CAPZB: variants seen among roughly 807,000 people sequenced by gnomAD.
The protein encoded by CAPZB is capping actin protein of muscle Z-line subunit beta.
A neutral mutation model predicts 38.1 loss-of-function variants in CAPZB; 2 were observed. The ratio of observed to expected loss-of-function variants is 0.05; its 90% CI spans 0.02 to 0.17. CAPZB has a LOEUF of 0.17. Among genes scored for constraint, CAPZB ranks in the 10% least tolerant of loss-of-function variants. The probability of loss-of-function intolerance (pLI) is 1.00; values close to 1 mark genes in which losing one functional copy is unlikely to be tolerated. For synonymous variants in CAPZB, 107 were observed against 127.4 expected (o/e 0.84, Z 1.08); for missense variants, 161 against 334.2 (o/e 0.48, Z 4.04).
intron 1 of CAPZB, among the ~76,000 whole-genome samples, chr1:19,459,552 A>C (rs1317096946): frequency 1.3e-5 from 2 of 152,110 alleles, no homozygotes; most frequent in African/African-American, 2.4e-5. Context: ...TCATCCAAAA[A>C]ACGGGATAGG....
intron 2 of CAPZB, among the ~76,000 whole-genome samples, chr1:19,390,021 C>T (rs968705312): frequency 6.6e-6 from 1 of 152,242 alleles, no homozygotes; most frequent in Non-Finnish European, 1.5e-5. Context: ...CGCAGCATCA[C>T]GCCCGCTGCA....
intron 3 of CAPZB, among the ~76,000 whole-genome samples, chr1:19,384,864 T>C (rs1011909745): frequency 6.6e-6 from 1 of 151,930 alleles, no homozygotes; most frequent in South Asian, 2.1e-4. Context: ...CCTCCTGGAG[T>C]TGACCATGGC....
rs935644693 is a variant in CAPZB, at chr1:19,353,877, AGGGTT to A, written c.588+2753_588+2757del. Reference sequence around the variant, plus strand: ...GCCTTGACGCCGTGTGCGGCTCTGCAGGGTTGATCCTGCTTGCGGGGCCTGCTTGC... The same window carrying A: ...GCCTTGACGCCGTGTGCGGCTCTGCAGATCCTGCTTGCGGGGCCTGCTTGC... On this transcript the variant is annotated intron_variant, in intron 6 of 8. Coordinates refer to ENST00000264202, the MANE Select transcript of CAPZB (RefSeq NM_004930.5). Among the ~76,000 whole-genome samples, 8 of 152,216 alleles carry A rather than the reference AGGGTT, an allele frequency of 5.3e-5. No individual in the cohort carries two copies. In the East Asian group the frequency reaches 7.7e-4, roughly 15 times the overall value.
At chr1:19,442,794 G>A (rs1282155841) in intron 1 of CAPZB, among the ~76,000 whole-genome samples, 1 of 152,076 alleles carries the variant, frequency 6.6e-6, no homozygotes, top group East Asian at 1.9e-4. Flanking sequence ...GATGCCGCAG[G>A]CTCCCTAGAA....
At chr1:19,429,438 T>TA (rs1002750161) in intron 1 of CAPZB, among the ~76,000 whole-genome samples, 80 of 152,198 alleles carry the variant, frequency 5.3e-4, no homozygotes, top group African/African-American at 1.9e-3. Context: ...AAGGCAGAGA[T>TA]ACGATATACT....
chr1:19,355,936 G>T (rs1314469161), intron 6 of CAPZB, among the ~76,000 whole-genome samples: 1 of 152,160 alleles, frequency 6.6e-6, no homozygotes, highest in Non-Finnish European at 1.5e-5. Flanking sequence ...TAGAAGGGCG[G>T]GCAAGTTTGC....
chr1:19,480,168 C>G (rs77902454), intron 1 of CAPZB, among the ~76,000 whole-genome samples: 1 of 152,074 alleles, frequency 6.6e-6, no homozygotes, highest in Non-Finnish European at 1.5e-5. Context: ...GCTTTTTGGA[C>G]GCATCTTGCC....
intron 4 of CAPZB, among the ~76,000 whole-genome samples, chr1:19,368,514 A>C (rs1190190436): frequency 1.5e-5 from 2 of 133,530 alleles, no homozygotes; most frequent in South Asian, 2.4e-4. Context: ...AAAAAAAAAA[A>C]CGGTGGAGAG....
At chr1:19,422,180 G>T (rs1038428433) in intron 1 of CAPZB, among the ~76,000 whole-genome samples, 2 of 152,128 alleles carry the variant, frequency 1.3e-5, no homozygotes, top group African/African-American at 4.8e-5. Context: ...CAACAACCCT[G>T]CCAGGAGACA....
intron 1 of CAPZB, among the ~76,000 whole-genome samples, chr1:19,443,037 T>C (rs2094483629): frequency 6.6e-6 from 1 of 152,082 alleles, no homozygotes; most frequent in African/African-American, 2.4e-5. Flanking sequence ...AACCTTAAAA[T>C]CATAATTACA....
At chr1:19,458,200 T>A (rs2094539306) in intron 1 of CAPZB, among the ~76,000 whole-genome samples, 1 of 152,114 alleles carries the variant, frequency 6.6e-6, no homozygotes, top group African/African-American at 2.4e-5. Context: ...CTACATGAAA[T>A]TGCCAACACA....
chr1:19,411,225 G>GA (rs1161682689), intron 2 of CAPZB, among the ~76,000 whole-genome samples: 1 of 152,130 alleles, frequency 6.6e-6, no homozygotes, highest in East Asian at 1.9e-4. Context: ...TTAAAAAGAT[G>GA]AAAAAAATTT....
At chr1:19,467,337 AAGATAAAGCAAAC>A (rs755527778) in intron 1 of CAPZB, among the ~76,000 whole-genome samples, 44 of 152,300 alleles carry the variant, frequency 2.9e-4, no homozygotes, top group Non-Finnish European at 4.7e-4. Context: ...AATAAAAGGA[AAGATAAAGCAAAC>A]AGAAGGGAGA....
chr1:19,424,545 C>G (rs2094415304), intron 1 of CAPZB: 1 of 152,440 alleles, frequency 6.6e-6, no homozygotes, highest in Admixed American at 6.5e-5. Context: ...AGGGAACCAC[C>G]AGGTTGCCTA....
chr1:19,439,489 C>A (rs1290136287), intron 1 of CAPZB, among the ~76,000 whole-genome samples: 2 of 152,204 alleles, frequency 1.3e-5, no homozygotes, highest in African/African-American at 4.8e-5. Flanking sequence ...TGTTTTGACC[C>A]CTGCTTGATC....
chr1:19,370,761 G>A (rs796331573), intron 4 of CAPZB, among the ~76,000 whole-genome samples: 13 of 151,742 alleles, frequency 8.6e-5, no homozygotes, highest in African/African-American at 3.2e-4. Flanking sequence ...GCAGTCTCAG[G>A]CCAGCTCTGT....
At chr1:19,397,805 A>G (rs1558224190) in intron 2 of CAPZB, among the ~76,000 whole-genome samples, 1 of 144,686 alleles carries the variant, frequency 6.9e-6, no homozygotes, top group African/African-American at 2.6e-5. Flanking sequence ...ATGGGCTACC[A>G]TGGAAGTTAC....
At chr1:19,415,584 T>G (rs1014556828) in intron 2 of CAPZB, among the ~76,000 whole-genome samples, 15 of 152,220 alleles carry the variant, frequency 9.9e-5, no homozygotes, top group Admixed American at 8.5e-4. Flanking sequence ...AGAAGAAACC[T>G]CCAGGATCAG....
intron 6 of CAPZB, among the ~76,000 whole-genome samples, chr1:19,354,566 C>T (rs1355231889): frequency 2.0e-5 from 3 of 152,328 alleles, no homozygotes; most frequent in African/African-American, 7.2e-5. Context: ...CAAAAGGCAA[C>T]GCAAACAAAG....
Sources: gnomAD v4.1 joint callset for allele counts (sites outside exome capture counted in the v4.1 genomes callset) on GRCh38, gnomAD v4.1.1 for gene constraint, MANE v1.5 for transcripts, NCBI Gene and HGNC (gene_info 2026-07-23, HGNC 2026-07-21) for gene names.